Variants in FOXN3 observed in about 807,000 individuals in gnomAD.
The protein encoded by FOXN3 is forkhead box protein N3.
FOXN3 carries 7 observed loss-of-function variants against 38.4 expected under a neutral mutation model. The ratio of observed to expected loss-of-function variants is 0.18; its 90% CI spans 0.10 to 0.34. The LOEUF (loss-of-function observed/expected upper bound fraction) is 0.34. Among genes scored for constraint, FOXN3 ranks in the 10% least tolerant of loss-of-function variants. The pLI is 1.00. For synonymous variants in FOXN3, 230 were observed against 242.2 expected (o/e 0.95, Z 0.47); for missense variants, 456 against 613.4 (o/e 0.74, Z 2.71).
intron 5 of FOXN3, among the ~76,000 whole-genome samples, chr14:89,177,384 A>C (rs1212442313): frequency 3.9e-5 from 6 of 152,232 alleles, no homozygotes; most frequent in Non-Finnish European, 8.8e-5. Flanking sequence ...CATTTTACCA[A>C]AATGATTTTG....
At chr14:89,604,876 G>T (rs950965691) in intron 1 of FOXN3, among the ~76,000 whole-genome samples, 1 of 152,192 alleles carries the variant, frequency 6.6e-6, no homozygotes, top group Admixed American at 6.5e-5. Context: ...GAAAACAATT[G>T]AGCATCTTTA....
chr14:89,256,017 A>G (rs1885608050), intron 4 of FOXN3, among the ~76,000 whole-genome samples: 1 of 152,144 alleles, frequency 6.6e-6, no homozygotes, highest in East Asian at 1.9e-4. Flanking sequence ...GGCAGGGTGG[A>G]GGTGGGTCTG....
chr14:89,553,238 CAAAAAA>C (rs146581490), intron 1 of FOXN3, among the ~76,000 whole-genome samples: 1 of 79,028 alleles, frequency 1.3e-5, no homozygotes, highest in Non-Finnish European at 2.4e-5. Flanking sequence ...GACCCTGTCC[CAAAAAA>C]AAAAAAAAAA....
At chr14:89,602,237 C>T (rs140917697) in intron 1 of FOXN3, among the ~76,000 whole-genome samples, 1 of 150,060 alleles carries the variant, frequency 6.7e-6, no homozygotes, top group Non-Finnish European at 1.5e-5. Context: ...TGCGGTAAGC[C>T]GAGATCACAC....
At chr14:89,233,551 TGAA>T (rs891801387) in intron 4 of FOXN3, among the ~76,000 whole-genome samples, 1 of 152,264 alleles carries the variant, frequency 6.6e-6, no homozygotes, top group Non-Finnish European at 1.5e-5. Context: ...ATCCCTTTCC[TGAA>T]GGTCAACAGT....
At chr14:89,205,929 A>T (rs1049464834) in intron 4 of FOXN3, among the ~76,000 whole-genome samples, 2 of 152,200 alleles carry the variant, frequency 1.3e-5, no homozygotes, top group African/African-American at 4.8e-5. Flanking sequence ...GAGCGGGTTA[A>T]GGGAACTTCT....
rs59945805 is a variant in FOXN3 at position 89,478,931 on chromosome 14, C to CAAA, written c.-14-66444_-14-66442dup. On this transcript the variant is annotated intron_variant, in intron 1 of 6. Transcript: ENST00000345097. ...TGGGTGAGAGAGCGAGACTCCATCT[C>CAAA]AAAAAAAAAAAAAAAAAAATTACCA... Among the ~76,000 whole-genome samples, 12 of 54,204 alleles carry CAAA rather than the reference C, an allele frequency of 2.2e-4. 1 individual carries two copies. Among genetic ancestry groups the CAAA allele is most frequent in the Non-Finnish European group, 3.5e-4 (10 of 28,680 alleles). The allele number at this position is 54,204 out of a possible 152,430, so 35.6% of individuals were successfully genotyped here.
chr14:89,462,602 G>C (rs1892869299), intron 1 of FOXN3, among the ~76,000 whole-genome samples: 2 of 152,112 alleles, frequency 1.3e-5, no homozygotes, highest in Admixed American at 1.3e-4. Context: ...TGTCTACAGA[G>C]GTCCAAGGCA....
At chr14:89,559,328 T>C (rs1895198738) in intron 1 of FOXN3, among the ~76,000 whole-genome samples, 2 of 152,228 alleles carry the variant, frequency 1.3e-5, no homozygotes, top group South Asian at 4.2e-4. Context: ...GCAGTGAGCT[T>C]TGATCACCAC....
chr14:89,457,172 G>A (rs1490375564), intron 1 of FOXN3, among the ~76,000 whole-genome samples: 1 of 152,178 alleles, frequency 6.6e-6, no homozygotes, highest in Non-Finnish European at 1.5e-5. Context: ...TGGTTCTCCT[G>A]TCTCTCCATG....
chr14:89,181,641 A>G (rs6575040), intron 4 of FOXN3, among the ~76,000 whole-genome samples: 123,777 of 152,056 alleles, frequency 0.81, 50,565 homozygotes, highest in African/African-American at 0.87. Context: ...TTTCACCAGC[A>G]ACCATCAGAT....
At chr14:89,577,092 C>T (rs1260390235) in intron 1 of FOXN3, 1 of 152,182 alleles carries the variant, frequency 6.6e-6, no homozygotes, top group Non-Finnish European at 1.5e-5. Flanking sequence ...TACATTTACT[C>T]ACATGCCAAG....
At chr14:89,488,628 A>G (rs1490015414) in intron 1 of FOXN3, among the ~76,000 whole-genome samples, 3 of 151,776 alleles carry the variant, frequency 2.0e-5, no homozygotes, top group Non-Finnish European at 4.4e-5. Flanking sequence ...CCATCTCAAA[A>G]AAAAAAAAAA....
At chr14:89,413,636 A>T (rs1891602562) in intron 1 of FOXN3, among the ~76,000 whole-genome samples, 1 of 146,616 alleles carries the variant, frequency 6.8e-6, no homozygotes. Flanking sequence ...CTGTCTCAAA[A>T]GTTTTGAAGA....
At chr14:89,602,825 T>A (rs903295164) in intron 1 of FOXN3, among the ~76,000 whole-genome samples, 2 of 152,128 alleles carry the variant, frequency 1.3e-5, no homozygotes, top group Non-Finnish European at 2.9e-5. Flanking sequence ...CAGCACAACA[T>A]TCACACCTCA....
intron 4 of FOXN3, among the ~76,000 whole-genome samples, chr14:89,252,277 A>T (rs1377552118): frequency 6.6e-6 from 1 of 152,230 alleles, no homozygotes; most frequent in Non-Finnish European, 1.5e-5. Flanking sequence ...AGTAGGCCAT[A>T]TACTACCCCT....
rs747046500 is a variant in FOXN3 at position 89,412,464 on chromosome 14, T to C, written c.13A>G (p.Met5Val). The C allele has an allele frequency of 4.4e-6, 7 of 1,602,968 alleles. No individual in the cohort carries two copies. Among genetic ancestry groups the C allele is most frequent in the Non-Finnish European group, 5.1e-6 (6 of 1,173,132 alleles). MGPV[M>V]PPSKKPESSG... Reference sequence around the variant, plus strand: ...CTTTCTGGCTTCTTACTGGGAGGCATGACTGGACCCATTTACGTGAAGGCT... The same window carrying C: ...CTTTCTGGCTTCTTACTGGGAGGCACGACTGGACCCATTTACGTGAAGGCT... The change falls in exon 2 of 6, where the codon ATG (methionine) becomes GTG (valine). Residue 5 changes from methionine (M) to valine (V), a missense_variant. Around this residue, in one of 3 missense-constraint regions of FOXN3, gnomAD observed 59 missense variants for 69.0 expected, o/e 0.85. Transcript: ENST00000557258. The surrounding 1 kb of genome is among the most constrained non-coding windows in gnomAD (Gnocchi z 4.7).
At chr14:89,471,303 T>G (rs1352065807) in intron 1 of FOXN3, among the ~76,000 whole-genome samples, 2 of 152,080 alleles carry the variant, frequency 1.3e-5, no homozygotes, top group African/African-American at 4.8e-5. Context: ...CTCAGAAGGA[T>G]GTAAAGAATT....
At chr14:89,314,403 G>A (rs1317678319) in intron 3 of FOXN3, among the ~76,000 whole-genome samples, 1 of 148,346 alleles carries the variant, frequency 6.7e-6, no homozygotes, top group Non-Finnish European at 1.5e-5. Flanking sequence ...GTTTTTAATA[G>A]TGTATAAATT....
Sources: allele counts gnomAD v4.1 joint callset (sites outside exome capture counted in the v4.1 genomes callset), GRCh38; gene constraint gnomAD v4.1.1; regional missense constraint gnomAD v4.1.1; non-coding constraint Gnocchi (gnomAD v3.1); transcripts MANE v1.5; gene names NCBI Gene and HGNC (gene_info 2026-07-23, HGNC 2026-07-21).